Variants in MAGEC3 observed in about 807,000 individuals in gnomAD.
MAGEC3 encodes the protein melanoma-associated antigen C3.
In MAGEC3, 34 loss-of-function variants were observed where a neutral mutation model predicts 35.3. That is an observed-to-expected ratio of 0.96 (90% CI 0.73 to 1.28). The LOEUF (loss-of-function observed/expected upper bound fraction) is 1.28, where lower values mean the gene tolerates loss of function less well. MAGEC3 is among the 50% of genes most tolerant of loss of function. The pLI, the probability that MAGEC3 is intolerant of heterozygous loss-of-function variation, is 0.00. For missense variants in MAGEC3, 561 were observed against 483.6 expected, an observed-to-expected ratio of 1.16 and a Z score of -1.50; for synonymous variants, 202 against 185.6, an observed-to-expected ratio of 1.09 and a Z score of -0.72.
rs754570334 is a variant in MAGEC3, at chrX:141,879,426, G to C, written c.510G>C (p.Ala170=). The C allele has an allele frequency of 4.3e-6, 5 of 1,173,784 alleles. No individual in the cohort carries two copies. The Admixed American group carries it at 7.4e-5, about 17-fold the overall frequency. ...GAAAAAGGTTGTGGGGGGAGAAAGC[G>C]GGGAGGTGGGCAGGGAAATATGGAC... ...SPGKRLWGEK[A]GSLPESEPLF... Residue 170 remains alanine (A), a synonymous_variant, in exon 3 of 8, where the codon GCG becomes GCC. Transcript: ENST00000298296.
At chrX:141,867,753 G>T (rs2017858489) in intron 2 of MAGEC3, among the ~76,000 whole-genome samples, 1 of 64,931 alleles carries the variant, frequency 1.5e-5, no homozygotes, top group Non-Finnish European at 3.5e-5. Context: ...GCAAATAGTA[G>T]AGTGAGTAAA....
intron 2 of MAGEC3, among the ~76,000 whole-genome samples, chrX:141,872,179 TG>T (rs2017892483): frequency 2.7e-5 from 3 of 111,478 alleles, no homozygotes; most frequent in Non-Finnish European, 5.6e-5. Context: ...GTAAGGTCCC[TG>T]ATAGTATGAA....
intron 1 of MAGEC3, among the ~76,000 whole-genome samples, chrX:141,850,070 T>G (rs1463660130): frequency 9.0e-6 from 1 of 111,466 alleles, no homozygotes; most frequent in Non-Finnish European, 1.9e-5. Flanking sequence ...ATATCCTTTA[T>G]GGCAACATGA....
intron 1 of MAGEC3, among the ~76,000 whole-genome samples, chrX:141,860,439 A>G (rs545302346): frequency 6.2e-5 from 7 of 112,492 alleles, no homozygotes; most frequent in Middle Eastern, 4.6e-3. Flanking sequence ...CAGTAATTCT[A>G]CTTCTGAGTA....
chrX:141,885,094 T>C (rs1161969147), intron 4 of MAGEC3, among the ~76,000 whole-genome samples: 1 of 111,636 alleles, frequency 9.0e-6, no homozygotes, highest in African/African-American at 3.3e-5. Context: ...ACCCCCAAAA[T>C]CCCTGTTGTT....
intron 4 of MAGEC3, among the ~76,000 whole-genome samples, chrX:141,894,102 A>C (rs2018064403): frequency 8.9e-6 from 1 of 111,805 alleles, no homozygotes; most frequent in African/African-American, 3.3e-5. Context: ...GTGAAAGTTA[A>C]AACTATATGA....
intron 1 of MAGEC3, among the ~76,000 whole-genome samples, chrX:141,844,007 C>T (rs901363138): frequency 1.8e-5 from 2 of 110,497 alleles, no homozygotes; most frequent in African/African-American, 6.6e-5. Context: ...TAATATCCCT[C>T]AACAATATAT....
At chrX:141,862,560 A>G (rs1456814340) in intron 1 of MAGEC3, among the ~76,000 whole-genome samples, 2 of 112,502 alleles carry the variant, frequency 1.8e-5, no homozygotes, top group African/African-American at 6.5e-5. Context: ...AGAATGGATA[A>G]GGAAAATGTG....
Position 141,897,330 on chromosome X carries a change from C to T in MAGEC3, c.1572C>T (p.Phe524=). The change falls in exon 7 of 8, where the codon TTC becomes TTT. Residue 524 remains phenylalanine, a synonymous_variant. Transcript: ENST00000298296. ...TGGACCCCGACAACCACTCCTATTT[C>T]TTTGAAGACACATTAGACCTCACCT... The part of the protein sequence containing the change: ...TDMDPDNHSY[F]FEDTLDLTYE... 2.5e-6 allele frequency: 3 copies of T among 1,211,817 alleles called. No individual in the cohort carries two copies. The South Asian group carries it at 5.3e-5, about 21-fold the overall frequency.
At chrX:141,882,015 A>T (rs1335651513) in intron 4 of MAGEC3, among the ~76,000 whole-genome samples, 1 of 111,880 alleles carries the variant, frequency 8.9e-6, no homozygotes, top group African/African-American at 3.3e-5. Flanking sequence ...TTCCTTTCCA[A>T]TCTCTTCCAA....
At chrX:141,894,754 C>T (rs924499579) in intron 4 of MAGEC3, 2 of 969,265 alleles carry the variant, frequency 2.1e-6, no homozygotes, top group East Asian at 7.6e-5. Flanking sequence ...GCCCAGGCGT[C>T]GCCCAGCCAC....
intron 1 of MAGEC3, among the ~76,000 whole-genome samples, chrX:141,846,019 TG>T (rs978274894): frequency 2.7e-5 from 3 of 110,751 alleles, no homozygotes; most frequent in African/African-American, 9.8e-5. Context: ...AAATGTATTA[TG>T]TTTTAGTTGT....
At chrX:141,896,690 A>T (rs1375273878) in intron 6 of MAGEC3, 192 bp from the exon 7 acceptor site, 2 of 1,209,784 alleles carry the variant, frequency 1.7e-6, no homozygotes, top group African/African-American at 3.5e-5. Context: ...CTCAGCTTTG[A>T]GGAAGACTTC....
In MAGEC3 at chrX:141,879,379, T is replaced by C. The variant is rs11095909; in HGVS notation, c.463T>C (p.Ser155Pro). 176,898 of 1,176,832 alleles carry C rather than the reference T, an allele frequency of 0.15. 16,971 individuals are homozygous for C. Among genetic ancestry groups the C allele is most frequent in the African/African-American group, 0.6 (28,837 of 47,899 alleles). ...GAGGAGAGGCACAGGCTACACCCTT[T>C]CCCTTCCTGCCGTCAGCCCTGGAAA... Reference protein sequence around the residue: ...TWRRGTGYTLSLPAVSPGKRL... With the variant: ...TWRRGTGYTLPLPAVSPGKRL... The change falls in exon 3 of 8, where the codon TCC (serine) becomes CCC (proline). Residue 155 changes from serine to proline, a missense_variant. Ser to Pro is a moderately conservative substitution (Grantham distance 74, BLOSUM62 -1). Transcript: ENST00000298296.
intron 1 of MAGEC3, among the ~76,000 whole-genome samples, chrX:141,844,043 CTTATACG>C (rs2017702093): frequency 9.0e-6 from 1 of 110,528 alleles, no homozygotes. Flanking sequence ...GATTTTGAAG[CTTATACG>C]TATCATGTCA....
chrX:141,842,155 A>G (rs1454829260), intron 1 of MAGEC3, among the ~76,000 whole-genome samples: 3 of 111,880 alleles, frequency 2.7e-5, no homozygotes, highest in Non-Finnish European at 5.7e-5. Flanking sequence ...AAATTATAAT[A>G]TTAAGATAAA....
intron 4 of MAGEC3, chrX:141,894,742 A>G: frequency 1.0e-6 from 1 of 970,106 alleles, no homozygotes; most frequent in South Asian, 2.0e-5. Flanking sequence ...CACGGAGGGA[A>G]GGCCCAGGCG....
chrX:141,896,767 G>T (rs2046070316), intron 6 of MAGEC3, 115 bp from the exon 7 acceptor site: 2 of 1,204,108 alleles, frequency 1.7e-6, no homozygotes, highest in African/African-American at 3.5e-5. Flanking sequence ...GGAGGAGGAT[G>T]CCTCCTCCAC....
chrX:141,893,727 GTAGA>G (rs1177837411), intron 4 of MAGEC3, among the ~76,000 whole-genome samples: 19 of 101,276 alleles, frequency 1.9e-4, no homozygotes, highest in Non-Finnish European at 3.0e-4. Context: ...GGGGGGGGGC[GTAGA>G]TATGTGAGAA....
Sources: allele counts gnomAD v4.1 joint callset (sites outside exome capture counted in the v4.1 genomes callset), GRCh38; gene constraint gnomAD v4.1.1; transcripts MANE v1.5; gene names NCBI Gene and HGNC (gene_info 2026-07-23, HGNC 2026-07-21).